Variants in SCN3A observed in about 807,000 individuals in gnomAD.
SCN3A encodes sodium channel protein type 3 subunit alpha.
In SCN3A, 60 loss-of-function variants were observed where a neutral mutation model predicts 187.6. That is an observed-to-expected ratio of 0.32 (90% CI 0.26 to 0.40). The LOEUF is 0.40. Ranked by LOEUF, SCN3A falls within the 10% of genes least tolerant of loss-of-function variation. The probability of loss-of-function intolerance (pLI) is 1.00; values close to 1 mark genes in which losing one functional copy is unlikely to be tolerated. For missense variants in SCN3A, 1,601 were observed against 2,428.2 expected (o/e 0.66, Z 7.16); for synonymous variants, 788 against 829.2 (o/e 0.95, Z 0.85).
chr2:165,121,553 A>G (rs1045794297), intron 18 of SCN3A, among the ~76,000 whole-genome samples: 2 of 152,166 alleles, frequency 1.3e-5, no homozygotes, highest in African/African-American at 4.8e-5. Context: ...CTTTGTTACT[A>G]TTTTCCATTG....
chr2:165,174,169 G>A lies in SCN3A; in HGVS notation c.264+1962C>T, dbSNP rs574078342. On this transcript the variant is annotated intron_variant, in intron 3 of 27. Coordinates refer to ENST00000283254, the MANE Select transcript of SCN3A (RefSeq NM_006922.4). ...AGCAATCCTCCTGCCTTGGCCTCTC[G>A]AAGCCCTAGGATTACAGGTGTGGGC... Among the ~76,000 whole-genome samples the A allele has an allele frequency of 7.9e-5, 12 of 152,246 alleles. No homozygotes were observed. The South Asian group carries it at 1.0e-3, about 13-fold the overall frequency.
chr2:165,132,839 C>T (rs1301459242), intron 15 of SCN3A, among the ~76,000 whole-genome samples: 1 of 152,154 alleles, frequency 6.6e-6, no homozygotes, highest in East Asian at 1.9e-4. Flanking sequence ...TCAGAGTGAA[C>T]AGGCAACCTA....
At position 165,140,831 on chromosome 2, in the gene SCN3A, C is replaced by A; in HGVS notation, c.1839G>T (p.Val613=). ...TGCGTCGCTCTCCATGTCTGTGCGG[C>A]ACAAACAGTGAGTCTCTCCTGCTTT... ...DSESRRDSLF[V]PHRHGERRNS... The change falls in exon 13 of 28, where the codon GTG becomes GTT. Residue 613 remains valine, a synonymous_variant. Transcript: ENST00000283254. This position sits in a 1 kb window ranked among gnomAD's most constrained non-coding sequence, Gnocchi z 4.2. 6.2e-7 allele frequency: 1 copy of A among 1,614,164 alleles called. No homozygotes were observed. Among genetic ancestry groups the A allele is most frequent in the South Asian group, 1.1e-5 (1 of 91,084 alleles).
chr2:165,131,833 T>C (rs62174901), intron 15 of SCN3A, among the ~76,000 whole-genome samples: 17,414 of 148,516 alleles, frequency 0.12, 1,338 homozygotes, highest in Middle Eastern at 0.18. Context: ...TTCCCACTTA[T>C]GAGTGAGAAC....
chr2:165,173,831 T>C (rs1164234064), intron 3 of SCN3A, among the ~76,000 whole-genome samples: 1 of 152,200 alleles, frequency 6.6e-6, no homozygotes, highest in Non-Finnish European at 1.5e-5. Context: ...TTATGGATAC[T>C]TCATAAACGA....
intron 21 of SCN3A, among the ~76,000 whole-genome samples, chr2:165,108,783 GTTT>G (rs957319039): frequency 9.7e-4 from 147 of 152,212 alleles, no homozygotes; most frequent in African/African-American, 3.5e-3. Flanking sequence ...GGTATATTTT[GTTT>G]TTTAAAATGA....
At chr2:165,191,816 T>C (rs1691632434) in intron 1 of SCN3A, among the ~76,000 whole-genome samples, 1 of 152,170 alleles carries the variant, frequency 6.6e-6, no homozygotes, top group East Asian at 1.9e-4. Flanking sequence ...TGGGGTCTAT[T>C]TTCACCAATG....
intron 1 of SCN3A, among the ~76,000 whole-genome samples, chr2:165,193,978 C>G (rs1021329696): frequency 6.6e-6 from 1 of 152,140 alleles, no homozygotes; most frequent in African/African-American, 2.4e-5. Flanking sequence ...GCCTTCCCCA[C>G]TAAGCAGGCC....
At chr2:165,131,468 C>T in intron 15 of SCN3A, 51 bp from the exon 16 acceptor site, 1 of 1,296,180 alleles carries the variant, frequency 7.7e-7, no homozygotes, top group Non-Finnish European at 1.1e-6. Flanking sequence ...AACACTGATG[C>T]TACACGAATT....
Position 165,113,039 on chromosome 2 carries a change from A to G in SCN3A, c.3689T>C (p.Ile1230Thr), listed in dbSNP as rs146060800. 70 of 1,612,258 alleles carry G rather than the reference A, an allele frequency of 4.3e-5. No homozygotes were observed. The highest frequency in any genetic ancestry group is 4.3e-4 in the African/African-American group (32 of 74,874). Reference sequence around the variant, plus strand: ...GGTTTTGATAGTCTTTCGCTGTTCAATGTATATATCTTCAAAGGCCTATGA... The same window carrying G: ...GGTTTTGATAGTCTTTCGCTGTTCAGTGTATATATCTTCAAAGGCCTATGA... ...SGALAFEDIY[I>T]EQRKTIKTML... Residue 1230 changes from isoleucine (I) to threonine (T), a missense_variant, in exon 21 of 28, where the codon ATT becomes ACT. Transcript: ENST00000283254.
At chr2:165,113,713 T>C in intron 20 of SCN3A, 103 bp downstream of exon 20, 1 of 1,256,630 alleles carries the variant, frequency 8.0e-7, no homozygotes, top group Non-Finnish European at 1.2e-6. Flanking sequence ...GACACAGATA[T>C]GCCTTTTCTT....
At chr2:165,145,600 A>C (rs1688269950) in intron 12 of SCN3A, among the ~76,000 whole-genome samples, 1 of 152,088 alleles carries the variant, frequency 6.6e-6, no homozygotes, top group African/African-American at 2.4e-5. Context: ...TAGATTATAA[A>C]ACATTCACTG....
At chr2:165,126,277 A>G (rs1686982736) in intron 18 of SCN3A, among the ~76,000 whole-genome samples, 1 of 152,162 alleles carries the variant, frequency 6.6e-6, no homozygotes, top group Admixed American at 6.5e-5. Flanking sequence ...AAGAATTTTA[A>G]TCCTCTTTTC....
Position 165,128,108 on chromosome 2 carries a change from G to T in SCN3A, c.2923-7C>A. The T allele has an allele frequency of 6.3e-7, 1 of 1,585,410 alleles. No homozygotes were observed. ...CCAGAAAGAGGTTCAGAACCTAAAA[G>T]AAAAAAAGAAAAATGTCTATTTTAA... On this transcript the variant is annotated splice_polypyrimidine_tract_variant and splice_region_variant and intron_variant, in intron 17 of 27. Coordinates refer to ENST00000283254, the MANE Select transcript of SCN3A (RefSeq NM_006922.4).
At chr2:165,144,596 T>A (rs1245857265) in intron 12 of SCN3A, among the ~76,000 whole-genome samples, 1 of 152,182 alleles carries the variant, frequency 6.6e-6, no homozygotes, top group Non-Finnish European at 1.5e-5. Flanking sequence ...CTTTGCCTCC[T>A]CCAAATCTTT....
At chr2:165,159,720 G>C (rs1425525684) in intron 9 of SCN3A, among the ~76,000 whole-genome samples, 1 of 127,774 alleles carries the variant, frequency 7.8e-6, no homozygotes, top group African/African-American at 3.3e-5. Flanking sequence ...TTGTCTTCCA[G>C]TTGCTGGTTT....
chr2:165,201,969 G>A (rs1692351222), intron 1 of SCN3A, among the ~76,000 whole-genome samples: 3 of 151,872 alleles, frequency 2.0e-5, no homozygotes, highest in Admixed American at 6.6e-5. Context: ...TGATACTTGG[G>A]GTCTTTTCTG....
chr2:165,124,876 C>G (rs543079054), intron 18 of SCN3A, among the ~76,000 whole-genome samples: 1 of 152,178 alleles, frequency 6.6e-6, no homozygotes, highest in South Asian at 2.1e-4. Context: ...CCTTTCTTAT[C>G]TTTCACTCTA....
At chr2:165,125,564 G>A (rs1294061700) in intron 18 of SCN3A, among the ~76,000 whole-genome samples, 1 of 152,030 alleles carries the variant, frequency 6.6e-6, no homozygotes, top group Non-Finnish European at 1.5e-5. Flanking sequence ...TGATCCACTC[G>A]CCTCGGCCTC....
Sources: allele counts gnomAD v4.1 joint callset (sites outside exome capture counted in the v4.1 genomes callset), GRCh38; gene constraint gnomAD v4.1.1; non-coding constraint Gnocchi (gnomAD v3.1); transcripts MANE v1.5; gene names NCBI Gene and HGNC (gene_info 2026-07-23, HGNC 2026-07-21).